HSD17B4: variants seen among roughly 807,000 people sequenced by gnomAD.
The protein encoded by HSD17B4 is hydroxysteroid 17-beta dehydrogenase 4, also known as peroxisomal multifunctional enzyme type 2.
A neutral mutation model predicts 101.0 loss-of-function variants in HSD17B4; 70 were observed. That is an observed-to-expected ratio of 0.69 (90% CI 0.57 to 0.85). The LOEUF (loss-of-function observed/expected upper bound fraction) is 0.85. HSD17B4 is among the 40% of genes least tolerant of loss of function. The pLI, the probability that HSD17B4 is intolerant of heterozygous loss-of-function variation, is 0.00. For synonymous variants in HSD17B4, 347 were observed against 297.1 expected (o/e 1.17, Z -1.73); for missense variants, 984 against 892.4 (o/e 1.10, Z -1.31).
chr5:119,527,706 A>T (rs944232419), intron 20 of HSD17B4, among the ~76,000 whole-genome samples: 7 of 152,158 alleles, frequency 4.6e-5, no homozygotes, highest in African/African-American at 1.7e-4. Flanking sequence ...TAGGAAAGTT[A>T]TTCTAAAATA....
chr5:119,534,772 G>A (rs1754399254), intron 22 of HSD17B4, among the ~76,000 whole-genome samples: 1 of 152,030 alleles, frequency 6.6e-6, no homozygotes, highest in South Asian at 2.1e-4. Flanking sequence ...GTTTGTTGGA[G>A]GTGTATCTGC....
intron 9 of HSD17B4, 78 bp downstream of exon 9, chr5:119,489,361 C>T: frequency 1.1e-6 from 1 of 884,818 alleles, no homozygotes; most frequent in Non-Finnish European, 1.9e-6. Flanking sequence ...CAGTGGACAT[C>T]ACTTGTATAT....
At chr5:119,510,593 T>TA in intron 16 of HSD17B4, among the ~76,000 whole-genome samples, 1 of 152,322 alleles carries the variant, frequency 6.6e-6, no homozygotes, top group South Asian at 2.1e-4. Flanking sequence ...CCATGACTTG[T>TA]AAAAAATTAT....
intron 8 of HSD17B4, among the ~76,000 whole-genome samples, chr5:119,486,442 C>CA (rs1222957867): frequency 6.6e-6 from 1 of 152,094 alleles, no homozygotes; most frequent in Non-Finnish European, 1.5e-5. Flanking sequence ...AGGAGGTAAT[C>CA]ACTTAAAGAG....
intron 8 of HSD17B4, among the ~76,000 whole-genome samples, chr5:119,481,309 T>C (rs1749108356): frequency 6.6e-6 from 1 of 152,230 alleles, no homozygotes; most frequent in South Asian, 2.1e-4. Context: ...TCTTCTGCCA[T>C]GGTTTCAGCC....
chr5:119,471,423 C>T (rs894583797), intron 2 of HSD17B4, among the ~76,000 whole-genome samples: 28 of 151,890 alleles, frequency 1.8e-4, no homozygotes, highest in Admixed American at 1.6e-3. Context: ...AATATATATG[C>T]CTTAGCTAAT....
chr5:119,509,086 T>C (rs1454746851), intron 15 of HSD17B4, 55 bp from the exon 16 acceptor site: 1 of 937,766 alleles, frequency 1.1e-6, no homozygotes, highest in Non-Finnish European at 1.8e-6. Context: ...CTTGGTTAAC[T>C]AGTTATGCCT....
intron 11 of HSD17B4, among the ~76,000 whole-genome samples, chr5:119,496,031 A>T (rs1750616969): frequency 6.6e-6 from 1 of 152,036 alleles, no homozygotes; most frequent in South Asian, 2.1e-4. Context: ...CCCTGTCTGG[A>T]GTCATTGGTT....
chr5:119,476,443 C>A, intron 6 of HSD17B4: 1 of 395,976 alleles, frequency 2.5e-6, no homozygotes, highest in Non-Finnish European at 3.4e-6. Context: ...CTTTCATTGG[C>A]CATCAGAACT....
chr5:119,504,982 C>T (rs1226769730), intron 14 of HSD17B4, among the ~76,000 whole-genome samples: 1 of 152,132 alleles, frequency 6.6e-6, no homozygotes, highest in Non-Finnish European at 1.5e-5. Flanking sequence ...AGCCAGTTAT[C>T]TCAGCACCGT....
chr5:119,470,436 A>G (rs1401101276), intron 2 of HSD17B4, among the ~76,000 whole-genome samples: 1 of 152,174 alleles, frequency 6.6e-6, no homozygotes. Flanking sequence ...CTCATGGGAT[A>G]GGGAGGACTC....
At chr5:119,481,001 T>A (rs185548098) in intron 8 of HSD17B4, among the ~76,000 whole-genome samples, 134 of 152,346 alleles carry the variant, frequency 8.8e-4, no homozygotes, top group African/African-American at 3.1e-3. Context: ...TATCCTGTTC[T>A]TTTTTCAAGG....
intron 17 of HSD17B4, among the ~76,000 whole-genome samples, chr5:119,516,796 T>C (rs577289273): frequency 3.9e-5 from 6 of 152,374 alleles, no homozygotes; most frequent in South Asian, 4.1e-4. Context: ...ACTCAAGATA[T>C]AGATGTCTGA....
intron 1 of HSD17B4, 55 bp from the exon 2 acceptor site, chr5:119,456,260 C>T: frequency 7.9e-7 from 1 of 1,262,010 alleles, no homozygotes. Context: ...TTGAGCGGAC[C>T]AAAAAAATTA....
chr5:119,522,110 G>C (rs1325401750), intron 17 of HSD17B4, among the ~76,000 whole-genome samples: 2 of 148,452 alleles, frequency 1.3e-5, no homozygotes, highest in African/African-American at 2.5e-5. Context: ...AACAGGCCCC[G>C]GTGTGTGATG....
At chr5:119,527,899 G>C (rs944011684) in intron 20 of HSD17B4, among the ~76,000 whole-genome samples, 1 of 152,054 alleles carries the variant, frequency 6.6e-6, no homozygotes, top group Admixed American at 6.6e-5. Context: ...TTGGGGTGAG[G>C]CTGTTAGCAA....
At chr5:119,522,854 G>T (rs1227831489) in intron 17 of HSD17B4, among the ~76,000 whole-genome samples, 6 of 152,012 alleles carry the variant, frequency 3.9e-5, no homozygotes, top group Non-Finnish European at 2.9e-5. Flanking sequence ...TATTTTCATT[G>T]TAGTCAGTGC....
At chr5:119,476,527 A>C (rs1748600640) in intron 6 of HSD17B4, 1 of 978,494 alleles carries the variant, frequency 1.0e-6, no homozygotes, top group Admixed American at 6.2e-5. Flanking sequence ...TTGTTTATAG[A>C]GTGTGTTTTG....
At chr5:119,497,104 C>A (rs1484786340) in intron 12 of HSD17B4, among the ~76,000 whole-genome samples, 1 of 152,124 alleles carries the variant, frequency 6.6e-6, no homozygotes, top group East Asian at 1.9e-4. Context: ...ATGGAGGTAA[C>A]CCACTCAGCT....
Sources: gnomAD v4.1 joint callset for allele counts (sites outside exome capture counted in the v4.1 genomes callset) on GRCh38, gnomAD v4.1.1 for gene constraint, MANE v1.5 for transcripts, NCBI Gene and HGNC (gene_info 2026-07-23, HGNC 2026-07-21) for gene names.